MSRA: variants seen among roughly 807,000 people sequenced by gnomAD.
MSRA encodes the protein mitochondrial peptide methionine sulfoxide reductase.
In MSRA, 54 loss-of-function variants were observed where a neutral mutation model predicts 31.3. The ratio of observed to expected loss-of-function variants is 1.73; its 90% CI spans 1.39 to 2.17. The LOEUF (loss-of-function observed/expected upper bound fraction) is 2.17. Among genes scored for constraint, MSRA ranks in the 30% most tolerant of loss-of-function variants. MSRA has a pLI of 0.00. For synonymous variants in MSRA, 169 were observed against 116.5 expected (o/e 1.45, Z -2.90); for missense variants, 507 against 300.9 (o/e 1.69, Z -5.07).
At chr8:10,184,625 G>C (rs1585117043) in intron 1 of MSRA, among the ~76,000 whole-genome samples, 1 of 152,002 alleles carries the variant, frequency 6.6e-6, no homozygotes, top group East Asian at 1.9e-4. Context: ...CAACTCTAAG[G>C]ATGCCTTGTC....
chr8:10,279,632 T>G (rs900004211), intron 3 of MSRA, among the ~76,000 whole-genome samples: 6 of 152,226 alleles, frequency 3.9e-5, no homozygotes, highest in Non-Finnish European at 8.8e-5. Flanking sequence ...AATTGCCATT[T>G]AAGTAGTTAC....
chr8:10,151,320 G>C (rs562534419), intron 1 of MSRA, among the ~76,000 whole-genome samples: 1 of 151,168 alleles, frequency 6.6e-6, no homozygotes, highest in South Asian at 2.1e-4. Flanking sequence ...TTAGTCAGTG[G>C]AAAGGATTTA....
intron 5 of MSRA, among the ~76,000 whole-genome samples, chr8:10,412,544 G>A (rs1041319273): frequency 6.6e-5 from 10 of 152,168 alleles, no homozygotes; most frequent in Non-Finnish European, 5.9e-5. Context: ...GGGGTTACGC[G>A]TTTGAAGCCA....
chr8:10,157,552 T>C (rs545109929), intron 1 of MSRA, among the ~76,000 whole-genome samples: 1 of 151,970 alleles, frequency 6.6e-6, no homozygotes, highest in Non-Finnish European at 1.5e-5. Context: ...GGCTGGGTTA[T>C]TAGGGGTCTG....
chr8:10,187,044 C>T (rs1807114703), intron 1 of MSRA, among the ~76,000 whole-genome samples: 2 of 152,158 alleles, frequency 1.3e-5, no homozygotes, highest in African/African-American at 4.8e-5. Flanking sequence ...TTGGGACTTA[C>T]TTTGAGCTTA....
intron 1 of MSRA, among the ~76,000 whole-genome samples, chr8:10,138,052 C>G (rs1288870724): frequency 2.6e-5 from 4 of 152,146 alleles, no homozygotes; most frequent in Admixed American, 6.5e-5. Flanking sequence ...GCTCATTTCA[C>G]TGGGTCACAG....
intron 4 of MSRA, among the ~76,000 whole-genome samples, chr8:10,307,947 G>A (rs1028678171): frequency 5.3e-5 from 8 of 152,328 alleles, no homozygotes; most frequent in African/African-American, 1.9e-4. Flanking sequence ...CTTAGTAGAA[G>A]TGACAGCGTG....
chr8:10,145,170 A>G (rs1335073185), intron 1 of MSRA, among the ~76,000 whole-genome samples: 1 of 152,220 alleles, frequency 6.6e-6, no homozygotes, highest in African/African-American at 2.4e-5. Flanking sequence ...AACTCCAGGG[A>G]CAGGCAGGGC....
intron 5 of MSRA, among the ~76,000 whole-genome samples, chr8:10,392,894 A>AAT (rs1554549341): frequency 9.3e-5 from 7 of 75,150 alleles, no homozygotes; most frequent in Non-Finnish European, 1.9e-4. Context: ...AAAATGCAAA[A>AAT]AAAAAAAAAA....
chr8:10,136,260 G>A (rs1030920376), intron 1 of MSRA, among the ~76,000 whole-genome samples: 2 of 152,216 alleles, frequency 1.3e-5, no homozygotes, highest in Admixed American at 1.3e-4. Flanking sequence ...CCACATGGTA[G>A]AGGAGGGCGT....
At chr8:10,100,703 A>C (rs1799477665) in intron 1 of MSRA, among the ~76,000 whole-genome samples, 1 of 152,172 alleles carries the variant, frequency 6.6e-6, no homozygotes, top group South Asian at 2.1e-4. Flanking sequence ...CTCGACTTAA[A>C]AGTTTGGCCG....
intron 3 of MSRA, among the ~76,000 whole-genome samples, chr8:10,249,513 C>G (rs758175027): frequency 1.3e-5 from 2 of 152,130 alleles, no homozygotes; most frequent in Non-Finnish European, 2.9e-5. Flanking sequence ...TTTAAGTAAC[C>G]TATAATCTTC....
chr8:10,066,295 A>G (rs1797452282), intron 1 of MSRA, among the ~76,000 whole-genome samples: 1 of 152,052 alleles, frequency 6.6e-6, no homozygotes, highest in Non-Finnish European at 1.5e-5. Context: ...CCAACTTTGT[A>G]TTTTTGCTCA....
At chr8:10,129,897 AAT>A (rs1801776515) in intron 1 of MSRA, among the ~76,000 whole-genome samples, 1 of 152,186 alleles carries the variant, frequency 6.6e-6, no homozygotes, top group Admixed American at 6.5e-5. Flanking sequence ...CGTAATGATA[AAT>A]ATGAATACAT....
At chr8:10,373,269 T>A (rs1805577405) in intron 5 of MSRA, among the ~76,000 whole-genome samples, 1 of 152,206 alleles carries the variant, frequency 6.6e-6, no homozygotes, top group African/African-American at 2.4e-5. Flanking sequence ...TTACTGACAT[T>A]TTTCCAAATA....
At chr8:10,257,981 G>A (rs1035345760) in intron 3 of MSRA, among the ~76,000 whole-genome samples, 6 of 152,204 alleles carry the variant, frequency 3.9e-5, no homozygotes, top group African/African-American at 1.4e-4. Context: ...ATATGAGCTT[G>A]GAGATAGAAA....
chr8:10,160,596 A>G (rs1804549800), intron 1 of MSRA, among the ~76,000 whole-genome samples: 1 of 151,930 alleles, frequency 6.6e-6, no homozygotes, highest in Non-Finnish European at 1.5e-5. Context: ...TAGCAGGAGG[A>G]TCCTATTCTC....
intron 1 of MSRA, among the ~76,000 whole-genome samples, chr8:10,179,166 T>G (rs921615306): frequency 6.6e-6 from 1 of 152,214 alleles, no homozygotes; most frequent in Non-Finnish European, 1.5e-5. Context: ...CTTTTAATAA[T>G]TGAATTATTT....
chr8:10,128,693 G>A (rs1307409181), intron 1 of MSRA, among the ~76,000 whole-genome samples: 2 of 152,176 alleles, frequency 1.3e-5, no homozygotes, highest in Non-Finnish European at 2.9e-5. Context: ...TCTCCAGAAC[G>A]GACAGCAGCT....
Sources: allele counts gnomAD v4.1 joint callset (sites outside exome capture counted in the v4.1 genomes callset), GRCh38; gene constraint gnomAD v4.1.1; transcripts MANE v1.5; gene names NCBI Gene and HGNC (gene_info 2026-07-23, HGNC 2026-07-21).